Variants in SCN4A observed in about 807,000 individuals in gnomAD.
SCN4A encodes sodium voltage-gated channel alpha subunit 4, also known as sodium channel protein type 4 subunit alpha.
A neutral mutation model predicts 162.0 loss-of-function variants in SCN4A; 83 were observed. The ratio of observed to expected loss-of-function variants is 0.51; its 90% CI spans 0.43 to 0.61. The LOEUF (loss-of-function observed/expected upper bound fraction) is 0.61, where lower values mean the gene tolerates loss of function less well. Ranked by LOEUF, SCN4A falls within the 20% of genes least tolerant of loss-of-function variation. The pLI is 0.00. For missense variants in SCN4A, 2,196 were observed against 2,462.5 expected, an observed-to-expected ratio of 0.89 and a Z score of 2.29; for synonymous variants, 944 against 985.1, an observed-to-expected ratio of 0.96 and a Z score of 0.78.
chr17:63,964,597 C>G lies in SCN4A; in HGVS notation c.1323G>C (p.Leu441=), dbSNP rs1399691019. The G allele has an allele frequency of 1.9e-5, 31 of 1,613,706 alleles. No homozygotes were observed. The highest frequency in any genetic ancestry group is 2.5e-5 in the Non-Finnish European group (30 of 1,179,840). ...IFLGSFYLIN[L]ILAVVAMAYA... is the part of the protein sequence containing the mutation. ...ATGCCATGGCCACCACGGCCAGGAT[C>G]AGATTGATGAGGTAGAAAGAGCCCA... Residue 441 remains leucine, a synonymous_variant, in exon 9 of 24, where the codon CTG becomes CTC. Coordinates refer to ENST00000435607, the MANE Select transcript of SCN4A (RefSeq NM_000334.4).
At chr17:63,953,358 T>G (rs1431931657) in intron 13 of SCN4A, among the ~76,000 whole-genome samples, 1 of 150,238 alleles carries the variant, frequency 6.7e-6, no homozygotes, top group Non-Finnish European at 1.5e-5. Context: ...AGACTCCATC[T>G]CAAAACAAAA....
Position 63,948,603 on chromosome 17 carries a change from G to A in SCN4A, c.3144+8C>T. ...TGCCCCTGACCCGTGCTCCCAGGCA[G>A]TGCCTACCAGAGCCCCACTGCTGAG... On this transcript the variant is annotated splice_region_variant and intron_variant, in intron 16 of 23. Coordinates refer to ENST00000435607, the MANE Select transcript of SCN4A (RefSeq NM_000334.4). The A allele has an allele frequency of 1.2e-6, 2 of 1,612,186 alleles. No individual in the cohort carries two copies. The highest frequency in any genetic ancestry group is 8.5e-7 in the Non-Finnish European group (1 of 1,178,924).
At position 63,951,021 on chromosome 17, in the gene SCN4A, T is replaced by C. The variant is rs1908889706; in HGVS notation, c.2853+403A>G. Among the ~76,000 whole-genome samples the C allele has an allele frequency of 6.6e-6, 1 of 152,058 alleles. No homozygotes were observed. ...GGTCTAAACAGAGATAGAGGATAAG[T>C]GTGAGGACTGGGCAAGGGGCCTCAA... On this transcript the variant is annotated intron_variant, in intron 14 of 23. Coordinates refer to ENST00000435607, the MANE Select transcript of SCN4A (RefSeq NM_000334.4). This position sits in a 1 kb window ranked among gnomAD's most constrained non-coding sequence, Gnocchi z 4.5.
chr17:63,947,225 C>T, intron 17 of SCN4A, 58 bp from the exon 18 acceptor site: 1 of 1,605,658 alleles, frequency 6.2e-7, no homozygotes, highest in Non-Finnish European at 8.5e-7. Context: ...CCCCTCAAGC[C>T]CAGGCCACGG....
intron 10 of SCN4A, 109 bp downstream of exon 10, chr17:63,963,563 G>A: frequency 8.1e-7 from 1 of 1,239,106 alleles, no homozygotes; most frequent in Non-Finnish European, 1.1e-6. Flanking sequence ...GCCTGAATGG[G>A]TAGAGGGGGC....
chr17:63,971,039 T>C (rs1836691968), intron 5 of SCN4A, 123 bp downstream of exon 5: 1 of 696,698 alleles, frequency 1.4e-6, no homozygotes, highest in African/African-American at 1.7e-5. Context: ...ATGTCCAGGC[T>C]TTGCTGTGAG....
intron 14 of SCN4A, 137 bp from the exon 15 acceptor site, chr17:63,949,665 A>T (rs1211930888): frequency 9.3e-7 from 1 of 1,074,790 alleles, no homozygotes; most frequent in Non-Finnish European, 1.3e-6. Flanking sequence ...TCATTCATTC[A>T]TCCAGCCCTG....
chr17:63,964,770 T>A, intron 8 of SCN4A, 93 bp from the exon 9 acceptor site: 2 of 965,670 alleles, frequency 2.1e-6, no homozygotes, highest in Non-Finnish European at 1.6e-6. Flanking sequence ...CCCGCATGGG[T>A]AAGCAGAGCC....
intron 11 of SCN4A, among the ~76,000 whole-genome samples, chr17:63,960,790 C>T (rs1909223063): frequency 6.6e-6 from 1 of 152,166 alleles, no homozygotes; most frequent in East Asian, 1.9e-4. Context: ...GGTCACACTG[C>T]CAGATCCCTT....
Position 63,971,237 on chromosome 17 carries a change from C to T in SCN4A, c.628G>A (p.Val210Met), listed in dbSNP as rs1389274007. Residue 210 changes from valine to methionine, a missense_variant, in exon 5 of 24, where the codon GTG (valine) becomes ATG (methionine). Transcript: ENST00000435607. Reference sequence around the variant, plus strand: ...AGGGCTGAGATGTTGCCCAAGTCCACAAACTCTGTCAGGTACCTGGGTAGG... The same window carrying T: ...AGGGCTGAGATGTTGCCCAAGTCCATAAACTCTGTCAGGTACCTGGGTAGG... ...VIMMAYLTEF[V>M]DLGNISALRT... is the part of the protein sequence containing the mutation. 6.8e-6 allele frequency: 10 copies of T among 1,477,114 alleles called. No individual in the cohort carries two copies. The highest frequency in any genetic ancestry group is 7.3e-6 in the Non-Finnish European group (8 of 1,090,844). 91.5% of individuals were successfully genotyped at this position (1,477,114 alleles called of 1,614,324 possible).
chr17:63,954,622 T>C (rs1039542485), intron 13 of SCN4A, among the ~76,000 whole-genome samples: 13 of 152,152 alleles, frequency 8.5e-5, no homozygotes, highest in African/African-American at 2.9e-4. Flanking sequence ...GTGCAGGGGA[T>C]GCGGGTCCTC....
Position 63,951,055 on chromosome 17 carries a change from G to A in SCN4A, c.2853+369C>T, listed in dbSNP as rs1908891199. Among the ~76,000 whole-genome samples the A allele has an allele frequency of 6.6e-6, 1 of 152,212 alleles. No individual in the cohort carries two copies. Among genetic ancestry groups the A allele is most frequent in the East Asian group, 1.9e-4 (1 of 5,194 alleles). ...TGGGCAAGGGGCCTCAAACCCAGAG[G>A]AGAATATGTAAGAGAGGCCTCTCAG... On this transcript the variant is annotated intron_variant, in intron 14 of 23. Transcript: ENST00000435607. This position sits in a 1 kb window ranked among gnomAD's most constrained non-coding sequence, Gnocchi z 4.5.
chr17:63,948,531 G>T, intron 16 of SCN4A, 80 bp downstream of exon 16: 2 of 1,268,412 alleles, frequency 1.6e-6, no homozygotes, highest in Non-Finnish European at 1.1e-6. Context: ...CCCTTCCTGT[G>T]TGTGGAGACA....
At chr17:63,965,415 C>T (rs1909406738) in intron 8 of SCN4A, among the ~76,000 whole-genome samples, 1 of 152,226 alleles carries the variant, frequency 6.6e-6, no homozygotes. Context: ...CATCAGAAGG[C>T]ACTGTCACTC....
At position 63,951,493 on chromosome 17, in the gene SCN4A, G is replaced by A. The variant is rs775693710; in HGVS notation, c.2784C>T (p.Ser928=). The A allele has an allele frequency of 7.4e-6, 12 of 1,613,624 alleles. No individual in the cohort carries two copies. Among genetic ancestry groups the A allele is most frequent in the Admixed American group, 6.7e-5 (4 of 60,000 alleles). The change falls in exon 14 of 24, where the codon TCC becomes TCT. Residue 928 remains serine, a synonymous_variant. Transcript: ENST00000435607. The surrounding 1 kb of genome is among the most constrained non-coding windows in gnomAD (Gnocchi z 4.5). ...TGGGCATCTCCAGGTCGGACTCCTC[G>A]GAGGCGATGGGCACCTGTATGGTCA... is the stretch of plus-strand genomic sequence containing the variant. The part of the protein sequence containing the change: ...PYLTIQVPIA[S]EESDLEMPTE...
intron 11 of SCN4A, among the ~76,000 whole-genome samples, chr17:63,960,183 A>G (rs1460441999): frequency 6.6e-6 from 1 of 152,214 alleles, no homozygotes; most frequent in Non-Finnish European, 1.5e-5. Flanking sequence ...GCACATGCTG[A>G]GCCCCTCCCA....
In SCN4A at chr17:63,941,560, G is replaced by A; in HGVS notation, c.4722C>T (p.Gly1574=). The part of the protein sequence containing the change: ...VKGDCGNPSI[G]ICFFCSYIII... Reference sequence around the variant, plus strand: ...TGATATAGCTGCAGAAGAAGCAGATGCCGATGGAGGGGTTGCCGCAGTCAC... The same window carrying A: ...TGATATAGCTGCAGAAGAAGCAGATACCGATGGAGGGGTTGCCGCAGTCAC... Residue 1574 remains glycine (G), a synonymous_variant, in exon 24 of 24, where the codon GGC becomes GGT. Coordinates refer to ENST00000435607, the MANE Select transcript of SCN4A (RefSeq NM_000334.4). This position sits in a 1 kb window ranked among gnomAD's most constrained non-coding sequence, Gnocchi z 6.2. The A allele has an allele frequency of 6.2e-7, 1 of 1,614,076 alleles. No homozygotes were observed. Among genetic ancestry groups the A allele is most frequent in the Non-Finnish European group, 8.5e-7 (1 of 1,180,026 alleles).
At chr17:63,971,033 C>T (rs1158127772) in intron 5 of SCN4A, 129 bp downstream of exon 5, 1 of 678,880 alleles carries the variant, frequency 1.5e-6, no homozygotes, top group South Asian at 1.7e-5. Context: ...CCCTGTATGT[C>T]CAGGCTTTGC....
intron 5 of SCN4A, among the ~76,000 whole-genome samples, chr17:63,969,017 A>G (rs1446736932): frequency 2.0e-5 from 3 of 152,016 alleles, no homozygotes; most frequent in African/African-American, 7.2e-5. Flanking sequence ...TTTTTTTGGT[A>G]CTTTTAGTAG....
Sources: gnomAD v4.1 joint callset for allele counts (sites outside exome capture counted in the v4.1 genomes callset) on GRCh38, gnomAD v4.1.1 for gene constraint, Gnocchi (gnomAD v3.1) non-coding constraint, MANE v1.5 for transcripts, NCBI Gene and HGNC (gene_info 2026-07-23, HGNC 2026-07-21) for gene names.